ATL1: variants seen among roughly 807,000 people sequenced by gnomAD.
The protein encoded by ATL1 is atlastin GTPase 1.
ATL1 carries 31 observed loss-of-function variants against 75.5 expected under a neutral mutation model. The observed-to-expected ratio is 0.41, with a 90% confidence interval of 0.31 to 0.55. ATL1 has a LOEUF of 0.55. Ranked by LOEUF, ATL1 falls within the 20% of genes least tolerant of loss-of-function variation. The pLI is 0.27. For missense variants in ATL1, 405 were observed against 662.6 expected, an observed-to-expected ratio of 0.61 and a Z score of 4.27; for synonymous variants, 226 against 233.3, an observed-to-expected ratio of 0.97 and a Z score of 0.28.
At chr14:50,631,776 G>A (rs146402153) in intron 13 of ATL1, among the ~76,000 whole-genome samples, 1 of 152,196 alleles carries the variant, frequency 6.6e-6, no homozygotes, top group African/African-American at 2.4e-5. Context: ...CTGCATGACT[G>A]TATCAGTAAA....
At chr14:50,597,216 C>CAAAAAAAAAAAA (rs2039226689) in intron 6 of ATL1, among the ~76,000 whole-genome samples, 1 of 12,918 alleles carries the variant, frequency 7.7e-5, no homozygotes, top group East Asian at 2.3e-3. Context: ...CTCAAAAAAA[C>CAAAAAAAAAAAA]AAACAAAAAA....
At chr14:50,585,481 G>GT (rs2039093617) in intron 1 of ATL1, among the ~76,000 whole-genome samples, 1 of 152,158 alleles carries the variant, frequency 6.6e-6, no homozygotes. Flanking sequence ...AATAAAATAT[G>GT]TATTTGCTAT....
At chr14:50,568,496 TC>T (rs1053901167) in intron 1 of ATL1, among the ~76,000 whole-genome samples, 1 of 152,178 alleles carries the variant, frequency 6.6e-6, no homozygotes, top group African/African-American at 2.4e-5. Flanking sequence ...ACCTCTACTC[TC>T]TTTTGGTTTA....
intron 4 of ATL1, chr14:50,591,889 TTTG>T (rs927409086): frequency 6.2e-5 from 26 of 421,860 alleles, no homozygotes; most frequent in South Asian, 3.0e-4. Context: ...TATTGGGATT[TTTG>T]TTGTTGTTGT....
At chr14:50,593,472 A>C (rs1364817139) in intron 4 of ATL1, among the ~76,000 whole-genome samples, 3 of 152,200 alleles carry the variant, frequency 2.0e-5, no homozygotes, top group Admixed American at 6.5e-5. Context: ...ATTGTGAAGA[A>C]GTCAACATGA....
intron 4 of ATL1, among the ~76,000 whole-genome samples, chr14:50,592,946 A>ATATATATG (rs71441294): frequency 8.3e-5 from 11 of 132,514 alleles, no homozygotes; most frequent in African/African-American, 2.8e-4. Flanking sequence ...ATATATATAT[A>ATATATATG]TGTGTGTGTG....
chr14:50,584,712 AAAAT>A (rs2039086538), intron 1 of ATL1, among the ~76,000 whole-genome samples: 1 of 151,788 alleles, frequency 6.6e-6, no homozygotes, highest in Non-Finnish European at 1.5e-5. Context: ...CTGTCTCAAA[AAAAT>A]AAATAAATAA....
intron 1 of ATL1, among the ~76,000 whole-genome samples, chr14:50,534,441 C>T (rs2038466529): frequency 6.6e-6 from 1 of 152,306 alleles, no homozygotes; most frequent in Non-Finnish European, 1.5e-5. Flanking sequence ...AATGAGCCTT[C>T]TTCATAAAGT....
In ATL1 at chr14:50,603,231, C is replaced by A. The variant is rs548037940; in HGVS notation, c.630+7599C>A. On this transcript the variant is annotated intron_variant, in intron 6 of 13. Coordinates refer to ENST00000358385, the MANE Select transcript of ATL1 (RefSeq NM_015915.5). Reference sequence around the variant, plus strand: ...ACATTTATTATCTTCTCTTCCATGTCCTCAGTGTCAAGTACTTCACTTTCT... The same window carrying A: ...ACATTTATTATCTTCTCTTCCATGTACTCAGTGTCAAGTACTTCACTTTCT... Among the ~76,000 whole-genome samples, 68 of 152,266 alleles carry A rather than the reference C, an allele frequency of 4.5e-4. 3 individuals are homozygous for A. The South Asian group carries it at 0.014, about 32-fold the overall frequency.
At position 50,622,438 on chromosome 14, in the gene ATL1, C is replaced by T. The variant is rs375021624; in HGVS notation, c.1047+539C>T. On this transcript the variant is annotated intron_variant, in intron 10 of 13. Coordinates refer to ENST00000358385, the MANE Select transcript of ATL1 (RefSeq NM_015915.5). The stretch of plus-strand genomic sequence containing the variant: ...ATCCCAGCACTTTGGGAGGCCGAGG[C>T]GGGCAGACCACGAGGTCAAGAGATC... Among the ~76,000 whole-genome samples, 17 of 152,182 alleles carry T rather than the reference C, an allele frequency of 1.1e-4. No individual in the cohort carries two copies. The East Asian group carries it at 2.9e-3, about 26-fold the overall frequency.
rs201761070 is a variant in ATL1 at position 50,626,139 on chromosome 14, C to A, written c.1120-1892C>A. Among the ~76,000 whole-genome samples, 14 of 152,298 alleles carry A rather than the reference C, an allele frequency of 9.2e-5. No individual in the cohort carries two copies. In the East Asian group the frequency reaches 2.7e-3, roughly 29 times the overall value. On this transcript the variant is annotated intron_variant, in intron 11 of 13. Transcript: ENST00000358385. The stretch of plus-strand genomic sequence containing the variant: ...ATTTAAGGAAATTAATGTTTTCATG[C>A]CTGCTAACACAATATCCATTCTACA...
At chr14:50,630,349 AG>A (rs532529883) in intron 13 of ATL1, among the ~76,000 whole-genome samples, 19 of 152,326 alleles carry the variant, frequency 1.2e-4, no homozygotes, top group African/African-American at 4.3e-4. Context: ...ATGAAACCTG[AG>A]GAAATGTAAC....
At chr14:50,542,731 G>T (rs987836401) in intron 1 of ATL1, 4 of 152,038 alleles carry the variant, frequency 2.6e-5, no homozygotes, top group African/African-American at 9.7e-5. Flanking sequence ...TTTATTAATG[G>T]TCTGCATAAT....
chr14:50,617,011 G>A (rs186671534), intron 8 of ATL1, among the ~76,000 whole-genome samples: 4 of 152,218 alleles, frequency 2.6e-5, no homozygotes, highest in Admixed American at 2.0e-4. Context: ...AAAAGTCTCC[G>A]AATAAACAAT....
At chr14:50,536,197 C>G (rs1162749681) in intron 1 of ATL1, among the ~76,000 whole-genome samples, 1 of 152,228 alleles carries the variant, frequency 6.6e-6, no homozygotes, top group Admixed American at 6.5e-5. Flanking sequence ...GTAATCCCAG[C>G]ACTTTGGGAG....
chr14:50,620,501 T>C (rs934030515), intron 8 of ATL1, 98 bp from the exon 9 acceptor site: 9 of 1,287,562 alleles, frequency 7.0e-6, no homozygotes, highest in Non-Finnish European at 9.8e-6. Context: ...GCATTATCAC[T>C]GGGGAGGAAA....
intron 1 of ATL1, among the ~76,000 whole-genome samples, chr14:50,575,849 T>G (rs1312196744): frequency 6.6e-6 from 1 of 152,144 alleles, no homozygotes; most frequent in African/African-American, 2.4e-5. Context: ...ATTTGACATT[T>G]TTGAAGATTC....
chr14:50,628,206 A>AT lies in ATL1; in HGVS notation c.1296dup (p.Ile433TyrfsTer5). ...GAAATAGATGAACTTTACATCCAAT[A>AT]TATCAAGCACAATGATAGCAAAAAT... On this transcript the variant is annotated frameshift_variant, in exon 12 of 14. Coordinates refer to ENST00000358385, the MANE Select transcript of ATL1 (RefSeq NM_015915.5). LOFTEE classifies it high-confidence loss of function. The AT allele has an allele frequency of 6.2e-7, 1 of 1,614,208 alleles. No homozygotes were observed. Among genetic ancestry groups the AT allele is most frequent in the Non-Finnish European group, 8.5e-7 (1 of 1,180,042 alleles).
chr14:50,544,024 T>C (rs538937992), intron 1 of ATL1, among the ~76,000 whole-genome samples: 1 of 152,356 alleles, frequency 6.6e-6, no homozygotes, highest in South Asian at 2.1e-4. Flanking sequence ...TGATTGATTC[T>C]AACTACCATG....
Sources: allele counts gnomAD v4.1 joint callset (sites outside exome capture counted in the v4.1 genomes callset), GRCh38; gene constraint gnomAD v4.1.1; transcripts MANE v1.5; gene names NCBI Gene and HGNC (gene_info 2026-07-23, HGNC 2026-07-21).